The following CDT1 variants were observed in gnomAD, a reference collection of about 807,000 sequenced individuals.
CDT1 encodes DNA replication factor Cdt1.
Under a neutral mutation model 49.3 loss-of-function variants are expected in CDT1, and 66 were observed. That is an observed-to-expected ratio of 1.34 (90% confidence interval 1.10 to 1.64). The LOEUF is 1.64. CDT1 is among the 40% of genes most tolerant of loss of function. CDT1 has a pLI of 0.00. For missense variants in CDT1, 958 were observed against 807.7 expected, an observed-to-expected ratio of 1.19 and a Z score of -2.26; for synonymous variants, 424 against 347.4, an observed-to-expected ratio of 1.22 and a Z score of -2.45.
chr16:88,807,192 C>A lies in CDT1; in HGVS notation c.1264C>A (p.Leu422Met), dbSNP rs1429505219. ...TGCTCTGAAGGGGGTGTCCCAGGATCTGCTGGAGCGGGTGAGTCGTCCCCA... is the reference window on the plus strand; with the variant it reads ...TGCTCTGAAGGGGGTGTCCCAGGATATGCTGGAGCGGGTGAGTCGTCCCCA... ...PSALKGVSQD[L>M]LERIRAKEAQ... The change falls in exon 8 of 10, where the codon CTG (leucine) becomes ATG (methionine). Residue 422 changes from leucine (L) to methionine (M), a missense_variant. Leu to Met is a conservative substitution (Grantham distance 15, BLOSUM62 2). Coordinates refer to ENST00000301019, the MANE Select transcript of CDT1 (RefSeq NM_030928.4). 6.2e-7 allele frequency: 1 copy of A among 1,612,452 alleles called. No individual in the cohort carries two copies. The highest frequency in any genetic ancestry group is 1.1e-5 in the South Asian group (1 of 91,054).
Position 88,806,627 on chromosome 16 carries a change from ACTG to A in CDT1, c.1078_1080del (p.Ala360del), listed in dbSNP as rs1567502140. On this transcript the variant is annotated inframe_deletion, in exon 7 of 10. Transcript: ENST00000301019. ...GCCACCCGCCACGGAGAAGCTCACCACTGCTCAGGAGGTGCTGGCCCGGGCCCG... is the reference window on the plus strand; with the variant it reads ...GCCACCCGCCACGGAGAAGCTCACCACTCAGGAGGTGCTGGCCCGGGCCCG... 2 of 1,611,436 alleles carry A rather than the reference ACTG, an allele frequency of 1.2e-6. No individual in the cohort carries two copies. Among genetic ancestry groups the A allele is most frequent in the Non-Finnish European group, 1.7e-6 (2 of 1,179,656 alleles).
intron 3 of CDT1, 39 bp from the exon 4 acceptor site, chr16:88,805,401 G>C: frequency 3.1e-6 from 5 of 1,608,154 alleles, no homozygotes; most frequent in Non-Finnish European, 4.2e-6. Context: ...GAGGGGTAGG[G>C]GCCTACTGCT....
intron 3 of CDT1, among the ~76,000 whole-genome samples, chr16:88,805,127 T>G (rs911411069): frequency 6.6e-6 from 1 of 152,232 alleles, no homozygotes; most frequent in East Asian, 1.9e-4. Context: ...TCTGGCAGGT[T>G]TCAAATGCTC....
At chr16:88,804,986 C>T in intron 3 of CDT1, 88 bp downstream of exon 3, 1 of 1,488,370 alleles carries the variant, frequency 6.7e-7, no homozygotes, top group African/African-American at 1.4e-5. Context: ...AGGCCCAGGT[C>T]TGCTCCTTCC....
rs1394255147 is a variant in CDT1, at chr16:88,803,855, C to T, written c.24C>T (p.Asp8=). Residue 8 remains aspartate, a synonymous_variant, in exon 1 of 10, where the codon GAC becomes GAT. Transcript: ENST00000301019. The part of the protein sequence containing the change: MEQRRVT[D]FFARRRPGPP... ...CCATGGAGCAGCGCCGCGTCACCGA[C>T]TTCTTCGCGCGCCGCCGCCCCGGGC... The T allele has an allele frequency of 1.3e-6, 2 of 1,491,400 alleles. No individual in the cohort carries two copies. Among genetic ancestry groups the T allele is most frequent in the African/African-American group, 2.9e-5 (2 of 68,556 alleles). The allele number at this position is 1,491,400 out of a possible 1,614,324, so 92.4% of individuals were successfully genotyped here.
Position 88,803,916 on chromosome 16 carries a change from AC to A in CDT1, c.90del (p.Ser31AlafsTer68). ...CGCGCCGCCCAAGCTGGCCTGCCGC[AC>A]CCCCAGCCCCGCCAGGCCCGCACTC... ...RIAPPKLACR[T>X]PSPARPALRA... On this transcript the variant is annotated frameshift_variant, in exon 1 of 10. Transcript: ENST00000301019. LOFTEE classifies it high-confidence loss of function. 1.5e-6 allele frequency: 2 copies of A among 1,374,392 alleles called. No homozygotes were observed. The highest frequency in any genetic ancestry group is 1.9e-6 in the Non-Finnish European group (2 of 1,060,714). The allele number at this position is 1,374,392 out of a possible 1,614,324, so 85.1% of individuals were successfully genotyped here.
rs151127192 is a variant in CDT1, at chr16:88,806,515, G to A, written c.963G>A (p.Met321Ile). The change falls in exon 7 of 10, where the codon ATG becomes ATA. Residue 321 changes from methionine to isoleucine, a missense_variant. Transcript: ENST00000301019. Reference protein sequence around the residue: ...KAFLASLSPAMVVPEDQLTRW... With the variant: ...KAFLASLSPAIVVPEDQLTRW... Reference sequence around the variant, plus strand: ...TCCTGGCCTCCCTGAGCCCCGCCATGGTGGTGCCGGAGGACCAGCTGACCC... The same window carrying A: ...TCCTGGCCTCCCTGAGCCCCGCCATAGTGGTGCCGGAGGACCAGCTGACCC... 1.7e-5 allele frequency: 28 copies of A among 1,610,888 alleles called. No homozygotes were observed. The highest frequency in any genetic ancestry group is 2.2e-5 in the Non-Finnish European group (26 of 1,179,240).
chr16:88,807,509 G>C (rs369852524), intron 9 of CDT1, 27 bp downstream of exon 9: 8 of 1,601,206 alleles, frequency 5.0e-6, no homozygotes, highest in African/African-American at 2.7e-5. Context: ...GTGAAGGGGC[G>C]TGCAGGGTGG....
chr16:88,808,188 C>A lies in CDT1; in HGVS notation c.1551C>A (p.Thr517=). The A allele has an allele frequency of 6.2e-7, 1 of 1,612,844 alleles. No homozygotes were observed. The highest frequency in any genetic ancestry group is 8.5e-7 in the Non-Finnish European group (1 of 1,179,968). Residue 517 remains threonine (T), a synonymous_variant, in exon 10 of 10, where the codon ACC becomes ACA. Coordinates refer to ENST00000301019, the MANE Select transcript of CDT1 (RefSeq NM_030928.4). ...GGCTCAGCCTCCACCGCATCCGCAC[C>A]GACACCTACGTCAAGCTGGACAAGG... ...PDWLSLHRIR[T]DTYVKLDKAA... is the part of the protein sequence containing the mutation.
At chr16:88,804,093 TG>T in intron 1 of CDT1, 34 bp downstream of exon 1, 3 of 1,259,364 alleles carry the variant, frequency 2.4e-6, no homozygotes, top group Non-Finnish European at 3.0e-6. Context: ...GCCGGGGAGT[TG>T]GGGGCGGGGA....
chr16:88,805,767 C>G lies in CDT1; in HGVS notation c.730C>G (p.Pro244Ala), dbSNP rs1389607805. The change falls in exon 5 of 10, where the codon CCG becomes GCG. Residue 244 changes from proline (P) to alanine (A), a missense_variant. Pro to Ala is a conservative substitution (Grantham distance 27). Transcript: ENST00000301019. Reference sequence around the variant, plus strand: ...TGTTGGCCAGATCAAAACCGTGTACCCGGCCTCCTACCGCTTCCGCCAGGA... The same window carrying G: ...TGTTGGCCAGATCAAAACCGTGTACGCGGCCTCCTACCGCTTCCGCCAGGA... ...CNVGQIKTVY[P>A]ASYRFRQERS... 6.2e-7 allele frequency: 1 copy of G among 1,612,974 alleles called. No homozygotes were observed. Among genetic ancestry groups the G allele is most frequent in the African/African-American group, 1.3e-5 (1 of 74,922 alleles).
Position 88,805,352 on chromosome 16 carries a change from C to T in CDT1, c.489-88C>T, listed in dbSNP as rs1198214168. On this transcript the variant is annotated intron_variant, in intron 3 of 9. Coordinates refer to ENST00000301019, the MANE Select transcript of CDT1 (RefSeq NM_030928.4). ...TCGTGTGTGGCATGGCAGGCCCCAT[C>T]GGAGGGTCTCCCTGGCCGAGGGGCC... is the stretch of plus-strand genomic sequence containing the variant. The T allele has an allele frequency of 1.4e-5, 21 of 1,475,244 alleles. No homozygotes were observed. In the East Asian group the frequency reaches 1.9e-4, roughly 13 times the overall value. 91.4% of individuals were successfully genotyped at this position (1,475,244 alleles called of 1,614,324 possible).
rs1006150014 is a variant in CDT1, at chr16:88,808,030, G to A, written c.1478-85G>A. 6.1e-6 allele frequency: 9 copies of A among 1,471,312 alleles called. No homozygotes were observed. The African/African-American group carries it at 8.4e-5, about 14-fold the overall frequency. 91.1% of individuals were successfully genotyped at this position (1,471,312 alleles called of 1,614,324 possible). A position where few individuals can be genotyped will look rare whatever the true frequency, so the allele number is the denominator to read the frequency against. On this transcript the variant is annotated intron_variant, in intron 9 of 9. Coordinates refer to ENST00000301019, the MANE Select transcript of CDT1 (RefSeq NM_030928.4). ...TGAGGGCGACCAGGCAGGCACAGAGGTTGGGTGGTCAGGCTGGTTTCAAGT... is the reference window on the plus strand; with the variant it reads ...TGAGGGCGACCAGGCAGGCACAGAGATTGGGTGGTCAGGCTGGTTTCAAGT...
At chr16:88,807,023 T>C (rs770640522) in intron 7 of CDT1, 28 bp from the exon 8 acceptor site, 2 of 1,612,702 alleles carry the variant, frequency 1.2e-6, no homozygotes, top group East Asian at 4.5e-5. Context: ...TCTTGTGACC[T>C]CTCCAGTCCA....
At position 88,805,827 on chromosome 16, in the gene CDT1, A is replaced by T. The variant is rs1442468157; in HGVS notation, c.790A>T (p.Arg264Trp). 1.2e-6 allele frequency: 2 copies of T among 1,612,950 alleles called. No individual in the cohort carries two copies. Among genetic ancestry groups the T allele is most frequent in the East Asian group, 2.2e-5 (1 of 44,896 alleles). The change falls in exon 5 of 10, where the codon AGG (arginine) becomes TGG (tryptophan). Residue 264 changes from arginine to tryptophan, a missense_variant. Coordinates refer to ENST00000301019, the MANE Select transcript of CDT1 (RefSeq NM_030928.4). Reference protein sequence around the residue: ...SVPTFKDGTRRSDYQLTIEPL... With the variant: ...SVPTFKDGTRWSDYQLTIEPL... Reference sequence around the variant, plus strand: ...CCCCACCTTCAAGGATGGCACCAGGAGGTCAGATTACCAGCTCACCATCGA... The same window carrying T: ...CCCCACCTTCAAGGATGGCACCAGGTGGTCAGATTACCAGCTCACCATCGA...
chr16:88,808,465 A>C lies in CDT1; in HGVS notation c.*187A>C. ...CTGGCTGCGGGCGGTGGGCCCCTTC[A>C]TGGGGCTCACCTGGTGGATTCACAT... is the stretch of plus-strand genomic sequence containing the variant. On this transcript the variant is annotated 3_prime_UTR_variant, in exon 10 of 10. Transcript: ENST00000301019. The C allele has an allele frequency of 6.3e-6, 4 of 637,686 alleles. No individual in the cohort carries two copies. Among genetic ancestry groups the C allele is most frequent in the Non-Finnish European group, 1.1e-5 (4 of 373,008 alleles). The allele number at this position is 637,686 out of a possible 1,614,324, so 39.5% of individuals were successfully genotyped here.
rs770234345 is a variant in CDT1 at position 88,808,300 on chromosome 16, G to A, written c.*22G>A. 3.8e-6 allele frequency: 6 copies of A among 1,564,070 alleles called. No individual in the cohort carries two copies. The East Asian group carries it at 1.2e-4, about 31-fold the overall frequency. On this transcript the variant is annotated 3_prime_UTR_variant, in exon 10 of 10. Transcript: ENST00000301019. ...GTGAGCCTGGGGGCCACTGTGGACA[G>A]ACGTGGGCTTCAGAAGCTCGCTGGC...
rs765847007 is a variant in CDT1 at position 88,806,681 on chromosome 16, C to A, written c.1122+7C>A. The A allele has an allele frequency of 6.3e-7, 1 of 1,596,328 alleles. No homozygotes were observed. Among genetic ancestry groups the A allele is most frequent in the East Asian group, 2.3e-5 (1 of 44,236 alleles). ...CAACCTGATTTCACCCAGGGTGAGA[C>A]TGCGAGGCTTGGGCAGCCCATTTCT... is the stretch of plus-strand genomic sequence containing the variant. On this transcript the variant is annotated splice_region_variant and intron_variant, in intron 7 of 9. Coordinates refer to ENST00000301019, the MANE Select transcript of CDT1 (RefSeq NM_030928.4).
intron 7 of CDT1, 51 bp from the exon 8 acceptor site, chr16:88,807,000 G>A: frequency 1.2e-6 from 2 of 1,611,274 alleles, no homozygotes; most frequent in East Asian, 2.2e-5. Context: ...CAGACAGCCA[G>A]GGGCACGTTG....
Sources: allele counts gnomAD v4.1 joint callset (sites outside exome capture counted in the v4.1 genomes callset), GRCh38; gene constraint gnomAD v4.1.1; transcripts MANE v1.5; gene names NCBI Gene and HGNC (gene_info 2026-07-23, HGNC 2026-07-21).